RBM20: variants seen among roughly 807,000 people sequenced by gnomAD.
RBM20 encodes the protein RNA-binding protein 20.
In RBM20, 51 loss-of-function variants were observed where a neutral mutation model predicts 110.1. The ratio of observed to expected loss-of-function variants is 0.46; its 90% CI spans 0.37 to 0.59. RBM20 has a LOEUF of 0.59. Among genes scored for constraint, RBM20 ranks in the 20% least tolerant of loss-of-function variants. The pLI, the probability that RBM20 is intolerant of heterozygous loss-of-function variation, is 0.00. For synonymous variants in RBM20, 589 were observed against 618.2 expected (o/e 0.95, Z 0.70); for missense variants, 1,512 against 1,574.9 (o/e 0.96, Z 0.68).
chr10:110,775,738 C>A (rs1054184546), intron 1 of RBM20, among the ~76,000 whole-genome samples: 6 of 152,158 alleles, frequency 3.9e-5, no homozygotes, highest in Non-Finnish European at 5.9e-5. Flanking sequence ...ACCTTCAAGT[C>A]AATGTGGGCC....
chr10:110,700,043 T>G (rs368649354), intron 1 of RBM20, among the ~76,000 whole-genome samples: 1 of 152,224 alleles, frequency 6.6e-6, no homozygotes, highest in South Asian at 2.1e-4. Flanking sequence ...GTGTGTAATT[T>G]AAAACTTACG....
chr10:110,767,193 G>A (rs1345600120), intron 1 of RBM20, among the ~76,000 whole-genome samples: 2 of 137,406 alleles, frequency 1.5e-5, no homozygotes, highest in Non-Finnish European at 3.2e-5. Context: ...CCCAGACGGG[G>A]CGGCTGGCCG....
At chr10:110,706,640 GA>G (rs1862843545) in intron 1 of RBM20, among the ~76,000 whole-genome samples, 1 of 152,228 alleles carries the variant, frequency 6.6e-6, no homozygotes, top group Non-Finnish European at 1.5e-5. Context: ...GAAAGGGTGG[GA>G]AATTTCAGGA....
chr10:110,713,412 C>A (rs1045065757), intron 1 of RBM20, among the ~76,000 whole-genome samples: 1 of 152,152 alleles, frequency 6.6e-6, no homozygotes, highest in Non-Finnish European at 1.5e-5. Context: ...ATCCTGAGTC[C>A]TCTCCACTCT....
chr10:110,771,906 CCAAATGCTT>C (rs1844198846), intron 1 of RBM20, among the ~76,000 whole-genome samples: 1 of 152,132 alleles, frequency 6.6e-6, no homozygotes, highest in Non-Finnish European at 1.5e-5. Context: ...CTTAGAGAAA[CCAAATGCTT>C]TGCATAGCAG....
At position 110,812,644 on chromosome 10, in the gene RBM20, G is replaced by A; in HGVS notation, c.2247G>A (p.Val749=). 6.4e-7 allele frequency: 1 copy of A among 1,551,702 alleles called. No homozygotes were observed. The highest frequency in any genetic ancestry group is 8.7e-7 in the Non-Finnish European group (1 of 1,147,006). The part of the protein sequence containing the change: ...RSGSPNLPHS[V]SSYKSREDGY... ...GGTCTCCCAACCTGCCCCACTCTGT[G>A]TCCAGCTACAAAAGCCGTGAAGACG... The change falls in exon 9 of 14, where the codon GTG becomes GTA. Residue 749 remains valine (V), a synonymous_variant. Transcript: ENST00000369519.
chr10:110,814,558 T>C (rs1434534463), intron 9 of RBM20, among the ~76,000 whole-genome samples: 1 of 152,042 alleles, frequency 6.6e-6, no homozygotes, highest in African/African-American at 2.4e-5. Flanking sequence ...TGCAGTGGTG[T>C]GATCTCAGCT....
At chr10:110,774,528 G>A (rs547579480) in intron 1 of RBM20, among the ~76,000 whole-genome samples, 6 of 151,648 alleles carry the variant, frequency 4.0e-5, no homozygotes, top group Admixed American at 6.6e-5. Context: ...GCGTGTATCC[G>A]ACCACAGCTA....
At chr10:110,665,699 A>G (rs1224821556) in intron 1 of RBM20, among the ~76,000 whole-genome samples, 2 of 152,002 alleles carry the variant, frequency 1.3e-5, no homozygotes, top group African/African-American at 2.4e-5. Context: ...AAGATATTAT[A>G]TTTGAATAGT....
At chr10:110,807,954 C>G (rs1844716235) in intron 7 of RBM20, among the ~76,000 whole-genome samples, 1 of 152,240 alleles carries the variant, frequency 6.6e-6, no homozygotes, top group Non-Finnish European at 1.5e-5. Context: ...GATGGCAGAT[C>G]TCATGTCATG....
At chr10:110,750,810 G>A (rs1176408388) in intron 1 of RBM20, among the ~76,000 whole-genome samples, 1 of 152,152 alleles carries the variant, frequency 6.6e-6, no homozygotes, top group Admixed American at 6.5e-5. Context: ...GGCCTTTCAG[G>A]AGCCAAGAAA....
chr10:110,696,331 C>T (rs1862663200), intron 1 of RBM20, among the ~76,000 whole-genome samples: 1 of 152,142 alleles, frequency 6.6e-6, no homozygotes, highest in African/African-American at 2.4e-5. Flanking sequence ...GCTTTTTTTT[C>T]TCTCCAGATC....
At chr10:110,722,751 A>C (rs1460251059) in intron 1 of RBM20, among the ~76,000 whole-genome samples, 1 of 152,108 alleles carries the variant, frequency 6.6e-6, no homozygotes, top group Non-Finnish European at 1.5e-5. Context: ...TGATGATACT[A>C]ATTACATCTC....
At chr10:110,744,217 C>A (rs1843752411) in intron 1 of RBM20, among the ~76,000 whole-genome samples, 1 of 152,154 alleles carries the variant, frequency 6.6e-6, no homozygotes, top group African/African-American at 2.4e-5. Flanking sequence ...TAGCGCCTGT[C>A]AATCACTGTC....
chr10:110,835,909 C>T lies in RBM20; in HGVS notation c.3615C>T (p.Thr1205=), dbSNP rs1290529555. 38 of 1,541,762 alleles carry T rather than the reference C, an allele frequency of 2.5e-5. No individual in the cohort carries two copies. Among genetic ancestry groups the T allele is most frequent in the Admixed American group, 2.0e-5 (1 of 50,828 alleles). The change falls in exon 14 of 14, where the codon ACC becomes ACT. Residue 1205 remains threonine, a synonymous_variant. Transcript: ENST00000369519. ...SQLAEEGLKE[T]EGADSPRPED... ...TGGCCGAGGAGGGCCTCAAGGAGAC[C>T]GAGGGGGCAGATAGCCCGAGGCCAG... is the stretch of plus-strand genomic sequence containing the variant.
intron 11 of RBM20, 91 bp downstream of exon 11, chr10:110,822,026 A>G (rs1398458868): frequency 2.3e-6 from 3 of 1,283,088 alleles, no homozygotes; most frequent in African/African-American, 1.5e-5. Flanking sequence ...TGGAATGAAC[A>G]TAAGTAAGGT....
intron 1 of RBM20, among the ~76,000 whole-genome samples, chr10:110,730,296 G>A (rs1007293660): frequency 5.9e-5 from 9 of 152,332 alleles, no homozygotes; most frequent in African/African-American, 9.6e-5. Flanking sequence ...ACATAGCAAT[G>A]CCAAGGCAAA....
intron 1 of RBM20, among the ~76,000 whole-genome samples, chr10:110,764,414 C>G (rs1361959887): frequency 6.6e-6 from 1 of 152,230 alleles, no homozygotes; most frequent in Non-Finnish European, 1.5e-5. Context: ...TTCTGAAGTG[C>G]TCTCAGGAGA....
intron 7 of RBM20, among the ~76,000 whole-genome samples, chr10:110,803,812 CAAAAAAA>C (rs58202648): frequency 3.3e-4 from 19 of 57,190 alleles, no homozygotes; most frequent in Non-Finnish European, 4.4e-4. Context: ...TTGGCTTAAG[CAAAAAAA>C]AAAAAAAAAA....
Sources: allele counts gnomAD v4.1 joint callset (sites outside exome capture counted in the v4.1 genomes callset), GRCh38; gene constraint gnomAD v4.1.1; transcripts MANE v1.5; gene names NCBI Gene and HGNC (gene_info 2026-07-23, HGNC 2026-07-21).